The following METTL21A variants were observed in gnomAD, a reference collection of about 807,000 sequenced individuals.
METTL21A encodes protein N-lysine methyltransferase METTL21A.
In METTL21A, 22 loss-of-function variants were observed where a neutral mutation model predicts 20.9. That is an observed-to-expected ratio of 1.05 (90% confidence interval 0.75 to 1.50). The LOEUF (loss-of-function observed/expected upper bound fraction) is 1.50. Among genes scored for constraint, METTL21A ranks in the 40% most tolerant of loss-of-function variants. METTL21A has a pLI of 0.00. For missense variants in METTL21A, 271 were observed against 266.8 expected (o/e 1.02, Z -0.11); for synonymous variants, 93 against 102.0 (o/e 0.91, Z 0.53).
intron 3 of METTL21A, among the ~76,000 whole-genome samples, chr2:207,583,060 T>C (rs888992008): frequency 2.0e-5 from 3 of 152,062 alleles, no homozygotes; most frequent in African/African-American, 7.2e-5. Context: ...TTTTAAATAA[T>C]ACAAATAAAA....
intron 3 of METTL21A, chr2:207,600,014 A>G (rs1026256401): frequency 2.1e-5 from 4 of 190,078 alleles, no homozygotes; most frequent in South Asian, 1.9e-4. Context: ...TATTTTTGAT[A>G]TATTACTCTT....
At chr2:207,615,603 G>C (rs1425024639) in intron 3 of METTL21A, 1 of 151,702 alleles carries the variant, frequency 6.6e-6, no homozygotes, top group African/African-American at 2.4e-5. Context: ...GGCTGAGGCA[G>C]GAAAATTGCT....
exon 2 of METTL21A, chr2:207,624,363 G>A: frequency 2.5e-6 from 4 of 1,613,066 alleles, no homozygotes; most frequent in Non-Finnish European, 3.4e-6. Context: ...TCCTCATAGG[G>A]CACGAGGGCC....
intron 3 of METTL21A, chr2:207,582,768 T>G (rs1048381763): frequency 4.6e-6 from 1 of 215,396 alleles, no homozygotes; most frequent in East Asian, 1.7e-4. Context: ...TGGTGCACGC[T>G]TGTAATCCCA....
At chr2:207,609,641 C>A (rs1414267885), downstream of METTL21A, 4 of 152,166 alleles carry the variant, frequency 2.6e-5, no homozygotes, top group Admixed American at 6.6e-5. Flanking sequence ...AGATTTAAAA[C>A]TTTTAATGTC....
intron 3 of METTL21A, among the ~76,000 whole-genome samples, chr2:207,583,176 A>G (rs1031301535): frequency 2.6e-5 from 4 of 152,172 alleles, no homozygotes; most frequent in African/African-American, 9.6e-5. Flanking sequence ...TATAGGTTAT[A>G]TGCAAATATA....
At chr2:207,622,657 C>T (rs1216431792) in intron 2 of METTL21A, among the ~76,000 whole-genome samples, 2 of 152,226 alleles carry the variant, frequency 1.3e-5, no homozygotes, top group African/African-American at 4.8e-5. Context: ...CTCTGAACTG[C>T]GTCACTGATG....
At chr2:207,585,534 C>T (rs1046243658) in intron 3 of METTL21A, among the ~76,000 whole-genome samples, 5 of 152,124 alleles carry the variant, frequency 3.3e-5, no homozygotes, top group African/African-American at 2.4e-5. Flanking sequence ...TGAGGAAACA[C>T]GATACCTCCA....
chr2:207,589,685 C>G (rs1039376270), intron 3 of METTL21A, among the ~76,000 whole-genome samples: 7 of 152,084 alleles, frequency 4.6e-5, no homozygotes, highest in African/African-American at 1.7e-4. Context: ...TTAATCTTGT[C>G]AAATGCTTTT....
intron 1 of METTL21A, chr2:207,624,609 G>C (rs967964422): frequency 2.3e-6 from 1 of 429,472 alleles, no homozygotes; most frequent in East Asian, 4.5e-5. Context: ...GGATGTGTTT[G>C]GGGAAGAAGA....
At chr2:207,582,810 G>A in intron 3 of METTL21A, 1 of 316,966 alleles carries the variant, frequency 3.2e-6, no homozygotes, top group Non-Finnish European at 6.4e-6. Context: ...GAAGAATTGT[G>A]CGAACCTGGG....
chr2:207,583,205 G>A (rs1210230529), intron 3 of METTL21A, among the ~76,000 whole-genome samples: 2 of 152,012 alleles, frequency 1.3e-5, no homozygotes. Context: ...TTATATAAGG[G>A]ACTTGAGCAT....
chr2:207,617,840 T>A (rs984406503), intron 3 of METTL21A, among the ~76,000 whole-genome samples: 22 of 151,958 alleles, frequency 1.4e-4, no homozygotes, highest in African/African-American at 5.3e-4. Context: ...AGGAAATAGT[T>A]AAAAGACGGA....
At chr2:207,597,632 CT>C in intron 3 of METTL21A, 1 of 208,062 alleles carries the variant, frequency 4.8e-6, no homozygotes, top group East Asian at 7.3e-5. Flanking sequence ...ATTTGGAGTG[CT>C]TTTTATGTAT....
At chr2:207,612,087 CTTTTTTTTTTTTTT>C (rs57522071), downstream of METTL21A, 3 of 18,720 alleles carry the variant, frequency 1.6e-4, no homozygotes, top group East Asian at 5.0e-3. Flanking sequence ...ATTTCAGGTG[CTTTTTTTTTTTTTT>C]TTTTTTTTTT....
At chr2:207,614,380 C>CA (rs11287948) in intron 3 of METTL21A, among the ~76,000 whole-genome samples, 4 of 148,008 alleles carry the variant, frequency 2.7e-5, no homozygotes, top group Admixed American at 6.8e-5. Flanking sequence ...CACCCAGTCT[C>CA]AAAAAAAAAA....
At chr2:207,607,979 TCACA>T (rs1276160762), downstream of METTL21A, among the ~76,000 whole-genome samples, 4 of 152,174 alleles carry the variant, frequency 2.6e-5, no homozygotes, top group South Asian at 4.2e-4. Flanking sequence ...CGCTCTCCTC[TCACA>T]CACACCCCAC....
intron 3 of METTL21A, chr2:207,603,116 A>G: frequency 4.7e-6 from 1 of 211,172 alleles, no homozygotes; most frequent in Non-Finnish European, 9.6e-6. Flanking sequence ...AATGAGGGAA[A>G]TACATTTCTA....
intron 3 of METTL21A, among the ~76,000 whole-genome samples, chr2:207,613,882 A>C (rs2089323221): frequency 6.6e-6 from 1 of 152,174 alleles, no homozygotes; most frequent in Non-Finnish European, 1.5e-5. Flanking sequence ...GAGGCAGGGG[A>C]ATCACTTAAA....
Sources: gnomAD v4.1 joint callset for allele counts (sites outside exome capture counted in the v4.1 genomes callset) on GRCh38, gnomAD v4.1.1 for gene constraint, MANE v1.5 for transcripts, NCBI Gene and HGNC (gene_info 2026-07-23, HGNC 2026-07-21) for gene names.